The following CDH23 variants were observed in gnomAD, a reference collection of about 807,000 sequenced individuals.
The protein encoded by CDH23 is cadherin-23.
CDH23 carries 189 observed loss-of-function variants against 317.1 expected under a neutral mutation model. The observed-to-expected ratio is 0.60, with a 90% CI of 0.53 to 0.67. The LOEUF (loss-of-function observed/expected upper bound fraction) is 0.67. Among genes scored for constraint, CDH23 ranks in the 30% least tolerant of loss-of-function variants. CDH23 has a pLI of 0.00. For missense variants in CDH23, 4,401 were observed against 4,592.4 expected (o/e 0.96, Z 1.20); for synonymous variants, 1,839 against 1,876.8 (o/e 0.98, Z 0.52).
intron 3 of CDH23, among the ~76,000 whole-genome samples, chr10:71,454,243 G>A (rs1004395920): frequency 2.0e-5 from 3 of 152,204 alleles, no homozygotes; most frequent in Non-Finnish European, 2.9e-5. Flanking sequence ...TGGGAATAAC[G>A]TTCAGTTTAC....
intron 11 of CDH23, among the ~76,000 whole-genome samples, chr10:71,628,654 C>T (rs893652324): frequency 4.6e-5 from 7 of 152,152 alleles, no homozygotes; most frequent in South Asian, 2.1e-4. Flanking sequence ...CCTATTACCA[C>T]ACCCAGCTAA....
intron 3 of CDH23, 108 bp downstream of exon 3, chr10:71,446,503 A>G: frequency 8.7e-7 from 1 of 1,151,214 alleles, no homozygotes; most frequent in South Asian, 1.3e-5. Context: ...CTGATTTTGG[A>G]ATCTTTTCCA....
At chr10:71,581,452 C>G (rs370911212) in intron 9 of CDH23, among the ~76,000 whole-genome samples, 2 of 152,190 alleles carry the variant, frequency 1.3e-5, no homozygotes, top group East Asian at 3.9e-4. Flanking sequence ...GGATCCGTGG[C>G]CCACAGTTAA....
At chr10:71,502,602 C>T (rs1853399220) in intron 3 of CDH23, among the ~76,000 whole-genome samples, 1 of 152,174 alleles carries the variant, frequency 6.6e-6, no homozygotes, top group Non-Finnish European at 1.5e-5. Context: ...GCCTGGTATG[C>T]TTTCGGGTGA....
chr10:71,477,287 G>C (rs961421486), intron 3 of CDH23, among the ~76,000 whole-genome samples: 2 of 152,196 alleles, frequency 1.3e-5, no homozygotes, highest in African/African-American at 4.8e-5. Context: ...TCCTGCCTCA[G>C]CTTCCCGAGC....
intron 37 of CDH23, 102 bp from the exon 38 acceptor site, chr10:71,741,591 CT>C: frequency 5.3e-6 from 5 of 939,604 alleles, no homozygotes; most frequent in Non-Finnish European, 8.3e-6. Context: ...TGCAGCAAAG[CT>C]TTTGGGAGGT....
chr10:71,813,145 ATCAGATGT>A, intron 68 of CDH23, 91 bp from the exon 69 acceptor site: 1 of 1,231,452 alleles, frequency 8.1e-7, no homozygotes, highest in South Asian at 1.4e-5. Context: ...GATCACCAGG[ATCAGATGT>A]CCGTGTACCC....
intron 38 of CDH23, among the ~76,000 whole-genome samples, chr10:71,745,059 T>TTCATTCAC (rs1377671997): frequency 3.9e-5 from 6 of 152,270 alleles, no homozygotes; most frequent in Non-Finnish European, 7.3e-5. Context: ...TATTTATTCA[T>TTCATTCAC]TCATTCACTC....
chr10:71,670,305 G>A (rs988293301), intron 14 of CDH23, among the ~76,000 whole-genome samples: 1 of 152,238 alleles, frequency 6.6e-6, no homozygotes, highest in Non-Finnish European at 1.5e-5. Context: ...CTCCGTGGCT[G>A]GCAGTGGAAA....
At chr10:71,723,414 C>G (rs865933786) in intron 28 of CDH23, among the ~76,000 whole-genome samples, 2 of 152,274 alleles carry the variant, frequency 1.3e-5, no homozygotes, top group East Asian at 1.9e-4. Flanking sequence ...CGTCCCCCCC[C>G]ACACACAAGC....
chr10:71,753,554 A>G (rs1840059980), intron 38 of CDH23, among the ~76,000 whole-genome samples: 1 of 152,188 alleles, frequency 6.6e-6, no homozygotes, highest in Admixed American at 6.5e-5. Context: ...AAACCTTACA[A>G]GGTGCAAGTC....
chr10:71,568,552 A>G (rs1857543048), intron 7 of CDH23, among the ~76,000 whole-genome samples: 1 of 152,172 alleles, frequency 6.6e-6, no homozygotes, highest in Non-Finnish European at 1.5e-5. Context: ...TCTCCCAGTA[A>G]TCAGGCTTGG....
intron 17 of CDH23, among the ~76,000 whole-genome samples, chr10:71,681,557 C>G (rs575883947): frequency 6.6e-6 from 1 of 152,170 alleles, no homozygotes; most frequent in Non-Finnish European, 1.5e-5. Context: ...GAGTACCTCC[C>G]CATGGGGTCT....
chr10:71,593,551 A>G (rs1003952391), intron 9 of CDH23, among the ~76,000 whole-genome samples: 1 of 152,242 alleles, frequency 6.6e-6, no homozygotes, highest in Non-Finnish European at 1.5e-5. Context: ...TTTTGCAACA[A>G]TTAAAACCAA....
chr10:71,431,227 G>A (rs1318260227), intron 1 of CDH23, among the ~76,000 whole-genome samples: 2 of 152,200 alleles, frequency 1.3e-5, no homozygotes, highest in Non-Finnish European at 2.9e-5. Context: ...TCGGTGAGGG[G>A]AACTCAGAGA....
At chr10:71,474,009 A>C (rs1288666935) in intron 3 of CDH23, among the ~76,000 whole-genome samples, 3 of 152,220 alleles carry the variant, frequency 2.0e-5, no homozygotes, top group African/African-American at 7.2e-5. Flanking sequence ...AGCTGCCGCT[A>C]ATGAGCGTCA....
chr10:71,786,246 C>G (rs1336670047), intron 44 of CDH23, among the ~76,000 whole-genome samples: 1 of 152,186 alleles, frequency 6.6e-6, no homozygotes, highest in African/African-American at 2.4e-5. Context: ...GCAAAGCAAA[C>G]AGTCCCTTTG....
chr10:71,778,386 A>T, intron 40 of CDH23, 78 bp downstream of exon 40: 1 of 1,560,244 alleles, frequency 6.4e-7, no homozygotes, highest in South Asian at 1.1e-5. Context: ...CGATGCGGGA[A>T]GGGGTTAGGG....
At chr10:71,573,049 C>T (rs1018678537) in intron 8 of CDH23, among the ~76,000 whole-genome samples, 7 of 152,244 alleles carry the variant, frequency 4.6e-5, no homozygotes, top group Non-Finnish European at 8.8e-5. Flanking sequence ...CAGGTCCTCA[C>T]TGGGAAAGGG....
Sources: gnomAD v4.1 joint callset for allele counts (sites outside exome capture counted in the v4.1 genomes callset) on GRCh38, gnomAD v4.1.1 for gene constraint, MANE v1.5 for transcripts, NCBI Gene and HGNC (gene_info 2026-07-23, HGNC 2026-07-21) for gene names.